CBLB: variants seen among roughly 807,000 people sequenced by gnomAD.
The protein encoded by CBLB is Cbl proto-oncogene B, also known as E3 ubiquitin-protein ligase CBL-B.
In CBLB, 31 loss-of-function variants were observed where a neutral mutation model predicts 104.9. That is an observed-to-expected ratio of 0.30 (90% CI 0.22 to 0.40). The LOEUF is 0.40. Among genes scored for constraint, CBLB ranks in the 10% least tolerant of loss-of-function variants. The probability of loss-of-function intolerance (pLI) is 1.00; values close to 1 mark genes in which losing one functional copy is unlikely to be tolerated. For synonymous variants in CBLB, 440 were observed against 422.6 expected (o/e 1.04, Z -0.51); for missense variants, 1,062 against 1,214.6 (o/e 0.87, Z 1.87).
intron 18 of CBLB, among the ~76,000 whole-genome samples, chr3:105,664,594 G>A (rs2064163997): frequency 6.6e-6 from 1 of 152,058 alleles, no homozygotes; most frequent in Admixed American, 6.6e-5. Context: ...ATTTTCCAAT[G>A]CGTGTATAAT....
At chr3:105,861,445 A>G (rs967157492) in intron 2 of CBLB, among the ~76,000 whole-genome samples, 77 of 152,144 alleles carry the variant, frequency 5.1e-4, no homozygotes, top group African/African-American at 1.7e-3. Flanking sequence ...AATTCCCTCA[A>G]AACTTCTCTG....
intron 2 of CBLB, 148 bp from the exon 3 acceptor site, chr3:105,853,812 C>T: frequency 1.6e-6 from 1 of 613,026 alleles, no homozygotes; most frequent in Middle Eastern, 4.3e-4. Flanking sequence ...AACTGATAGT[C>T]ACGTTTGTCA....
chr3:105,799,974 A>G (rs902976041), intron 3 of CBLB, among the ~76,000 whole-genome samples: 7 of 152,218 alleles, frequency 4.6e-5, no homozygotes, highest in African/African-American at 1.4e-4. Flanking sequence ...AGCCAGGGAC[A>G]TAATTTTAAA....
At chr3:105,671,219 C>T (rs1295946940) in intron 17 of CBLB, 1 of 201,390 alleles carries the variant, frequency 5.0e-6, no homozygotes, top group Non-Finnish European at 1.0e-5. Flanking sequence ...AGTAGACAAA[C>T]ATTACATCTG....
chr3:105,815,154 G>A (rs2084850236), intron 3 of CBLB, among the ~76,000 whole-genome samples: 1 of 152,004 alleles, frequency 6.6e-6, no homozygotes, highest in South Asian at 2.1e-4. Flanking sequence ...AAATCATACT[G>A]TCTTTTGTAA....
At chr3:105,790,013 T>C (rs1330718027) in intron 3 of CBLB, among the ~76,000 whole-genome samples, 1 of 152,222 alleles carries the variant, frequency 6.6e-6, no homozygotes, top group East Asian at 1.9e-4. Flanking sequence ...GTAAATGTTA[T>C]TAGTGAAATG....
intron 10 of CBLB, among the ~76,000 whole-genome samples, chr3:105,707,337 G>A (rs890685571): frequency 6.6e-6 from 1 of 152,132 alleles, no homozygotes; most frequent in Non-Finnish European, 1.5e-5. Context: ...TCTGTAAGTT[G>A]GCTTAGTTAG....
At chr3:105,832,824 T>G (rs1348194546) in intron 3 of CBLB, among the ~76,000 whole-genome samples, 1 of 152,220 alleles carries the variant, frequency 6.6e-6, no homozygotes, top group Non-Finnish European at 1.5e-5. Context: ...AAGTAGGCAC[T>G]GTGGTGACAG....
At chr3:105,708,569 A>G (rs1236891485) in intron 10 of CBLB, among the ~76,000 whole-genome samples, 2 of 152,050 alleles carry the variant, frequency 1.3e-5, no homozygotes. Flanking sequence ...GAGTAATCAT[A>G]TAAATAAATG....
intron 16 of CBLB, among the ~76,000 whole-genome samples, chr3:105,680,334 T>C (rs932184371): frequency 1.3e-5 from 2 of 151,604 alleles, no homozygotes; most frequent in Admixed American, 6.6e-5. Context: ...ATCTGTCTAC[T>C]TTGTCATATA....
At chr3:105,708,543 A>AT (rs199641240) in intron 10 of CBLB, among the ~76,000 whole-genome samples, 2,396 of 151,174 alleles carry the variant, frequency 0.016, 31 homozygotes, top group Middle Eastern at 0.041. Flanking sequence ...ATAAAGAACA[A>AT]TTTTTTTTTG....
rs1178838156 is a variant in CBLB, at chr3:105,685,352, T to C, written c.2169A>G (p.Pro723=). The change falls in exon 14 of 19, where the codon CCA becomes CCG. Residue 723 remains proline, a synonymous_variant. Transcript: ENST00000394030. The stretch of plus-strand genomic sequence containing the variant: ...GAGGTTTTACATTATGACAATGAGA[T>C]GGTTGTGAATTCAGGGAAACAGGGT... ...SSHPVSLNSQ[P]SHCHNVKPPV... is the part of the protein sequence containing the mutation. 1 of 1,613,904 alleles carries C rather than the reference T, an allele frequency of 6.2e-7. No homozygotes were observed. The highest frequency in any genetic ancestry group is 1.1e-5 in the South Asian group (1 of 91,086).
At chr3:105,667,122 T>A (rs1399322506) in intron 18 of CBLB, among the ~76,000 whole-genome samples, 2 of 152,156 alleles carry the variant, frequency 1.3e-5, no homozygotes, top group Non-Finnish European at 1.5e-5. Flanking sequence ...TGTAATGAGA[T>A]CTCCTTTATT....
rs187260777 is a variant in CBLB, at chr3:105,763,205, G to T, written c.567-11587C>A. ...CTTTTGATTTTACTGGCTCATAAGT[G>T]CAAGAGACTCTTGTTATCTCAGATA... On this transcript the variant is annotated intron_variant, in intron 4 of 18. Coordinates refer to ENST00000394030, the MANE Select transcript of CBLB (RefSeq NM_170662.5). 2.6e-5 allele frequency among the ~76,000 whole-genome samples: 4 copies of T among 152,144 alleles called. No individual in the cohort carries two copies. The East Asian group carries it at 7.7e-4, about 29-fold the overall frequency.
intron 4 of CBLB, chr3:105,762,001 G>C (rs771283787): frequency 7.9e-5 from 12 of 152,214 alleles, no homozygotes; most frequent in African/African-American, 1.9e-4. Context: ...TTTTAGCAAA[G>C]AGACTGGCAG....
chr3:105,812,485 T>C (rs2084439135), intron 3 of CBLB, among the ~76,000 whole-genome samples: 1 of 152,180 alleles, frequency 6.6e-6, no homozygotes, highest in Admixed American at 6.5e-5. Flanking sequence ...CTGGAACATC[T>C]TTTCTGAGGA....
At chr3:105,815,536 G>A (rs1172548967) in intron 3 of CBLB, among the ~76,000 whole-genome samples, 1 of 152,122 alleles carries the variant, frequency 6.6e-6, no homozygotes, top group Non-Finnish European at 1.5e-5. Context: ...TCACTAAAAA[G>A]TCAGGAAAAA....
chr3:105,820,345 G>A (rs888875871), intron 3 of CBLB, among the ~76,000 whole-genome samples: 1 of 152,162 alleles, frequency 6.6e-6, no homozygotes, highest in African/African-American at 2.4e-5. Flanking sequence ...CCTGATATCG[G>A]TATCGGTCTG....
chr3:105,688,376 T>C (rs753924543), intron 13 of CBLB, among the ~76,000 whole-genome samples: 10 of 152,166 alleles, frequency 6.6e-5, no homozygotes, highest in Non-Finnish European at 1.3e-4. Flanking sequence ...ATTAAATTCA[T>C]TGTGTTAGTT....
Sources: gnomAD v4.1 joint callset for allele counts (sites outside exome capture counted in the v4.1 genomes callset) on GRCh38, gnomAD v4.1.1 for gene constraint, MANE v1.5 for transcripts, NCBI Gene and HGNC (gene_info 2026-07-23, HGNC 2026-07-21) for gene names.